RUNX2: variants seen among roughly 807,000 people sequenced by gnomAD.
RUNX2 encodes the protein runt-related transcription factor 2.
A neutral mutation model predicts 51.7 loss-of-function variants in RUNX2; 10 were observed. That is an observed-to-expected ratio of 0.19 (90% CI 0.12 to 0.33). The LOEUF (loss-of-function observed/expected upper bound fraction) is 0.33. Ranked by LOEUF, RUNX2 falls within the 10% of genes least tolerant of loss-of-function variation. RUNX2 has a pLI of 1.00. For synonymous variants in RUNX2, 276 were observed against 273.6 expected (o/e 1.01, Z -0.09); for missense variants, 562 against 691.3 (o/e 0.81, Z 2.10).
intron 7 of RUNX2, 22 bp from the exon 8 acceptor site, chr6:45,545,195 G>T: frequency 6.6e-7 from 1 of 1,523,388 alleles, no homozygotes; most frequent in Non-Finnish European, 8.9e-7. Flanking sequence ...GGAACTTAGA[G>T]CTCATCCCCC....
intron 7 of RUNX2, among the ~76,000 whole-genome samples, chr6:45,529,988 G>C (rs1801793959): frequency 6.6e-6 from 1 of 152,192 alleles, no homozygotes; most frequent in African/African-American, 2.4e-5. Context: ...AGGTGGGTTA[G>C]GAGATAGGTA....
At chr6:45,519,706 C>T (rs1486023255) in intron 7 of RUNX2, among the ~76,000 whole-genome samples, 1 of 150,920 alleles carries the variant, frequency 6.6e-6, no homozygotes, top group East Asian at 1.9e-4. Flanking sequence ...TAAGTTCCTC[C>T]ATGTCTTTTC....
At chr6:45,409,818 C>T (rs1269811640) in intron 2 of RUNX2, among the ~76,000 whole-genome samples, 1 of 152,118 alleles carries the variant, frequency 6.6e-6, no homozygotes, top group Non-Finnish European at 1.5e-5. Context: ...TGGCATTATG[C>T]TAAATGCTGA....
At chr6:45,477,785 C>T (rs1799997202) in intron 5 of RUNX2, among the ~76,000 whole-genome samples, 1 of 152,240 alleles carries the variant, frequency 6.6e-6, no homozygotes, top group Non-Finnish European at 1.5e-5. Context: ...CTATCTTCCC[C>T]TGTAAGTAAA....
chr6:45,467,588 A>G (rs1799670797), intron 5 of RUNX2, among the ~76,000 whole-genome samples: 1 of 151,968 alleles, frequency 6.6e-6, no homozygotes, highest in Non-Finnish European at 1.5e-5. Context: ...GGCCTGCTTT[A>G]TCTTTTAGAA....
chr6:45,438,143 T>A (rs1798742147), intron 5 of RUNX2, 92 bp downstream of exon 5: 1 of 837,594 alleles, frequency 1.2e-6, no homozygotes, highest in Admixed American at 1.8e-5. Flanking sequence ...CACTTTCATG[T>A]CCATAGTGTC....
chr6:45,473,501 G>C (rs189793715), intron 5 of RUNX2, among the ~76,000 whole-genome samples: 8 of 152,272 alleles, frequency 5.3e-5, no homozygotes, highest in African/African-American at 1.9e-4. Flanking sequence ...GTGGGGGAGC[G>C]GTGGCGGCGG....
intron 6 of RUNX2, among the ~76,000 whole-genome samples, chr6:45,508,220 CT>C (rs61501897): frequency 0.079 from 5,178 of 65,878 alleles, 37 homozygotes; most frequent in Middle Eastern, 0.16. Context: ...CTTATATTTC[CT>C]TTTTTTTTTT....
chr6:45,520,743 C>T (rs568134212), intron 7 of RUNX2, among the ~76,000 whole-genome samples: 1 of 151,850 alleles, frequency 6.6e-6, no homozygotes, highest in East Asian at 1.9e-4. Context: ...TTTTTTGAGA[C>T]AGAGTCTCAC....
chr6:45,543,191 C>T (rs1802285042), intron 7 of RUNX2, among the ~76,000 whole-genome samples: 3 of 152,246 alleles, frequency 2.0e-5, no homozygotes, highest in South Asian at 2.1e-4. Flanking sequence ...GGAAAATGCA[C>T]GATGATTATC....
intron 5 of RUNX2, among the ~76,000 whole-genome samples, chr6:45,439,177 G>A (rs115354589): frequency 6.6e-6 from 1 of 152,136 alleles, no homozygotes; most frequent in South Asian, 2.1e-4. Flanking sequence ...CTGCTTGCCT[G>A]AACTAGGGAG....
intron 2 of RUNX2, among the ~76,000 whole-genome samples, chr6:45,373,834 T>C (rs1796423754): frequency 6.6e-6 from 1 of 152,150 alleles, no homozygotes; most frequent in Non-Finnish European, 1.5e-5. Context: ...ATTACAGGTG[T>C]GAGCCACCAC....
At chr6:45,403,480 G>A (rs1337947437) in intron 2 of RUNX2, among the ~76,000 whole-genome samples, 3 of 152,084 alleles carry the variant, frequency 2.0e-5, no homozygotes, top group Non-Finnish European at 4.4e-5. Flanking sequence ...TGATCCGCCC[G>A]CCTCAGCATC....
intron 3 of RUNX2, among the ~76,000 whole-genome samples, chr6:45,427,947 G>A (rs1260028249): frequency 1.3e-5 from 2 of 152,092 alleles, no homozygotes; most frequent in East Asian, 1.9e-4. Flanking sequence ...GGTGAGGTGC[G>A]CTAAATAAAG....
intron 2 of RUNX2, among the ~76,000 whole-genome samples, chr6:45,386,602 G>T (rs1019506911): frequency 6.6e-6 from 1 of 152,168 alleles, no homozygotes; most frequent in Non-Finnish European, 1.5e-5. Flanking sequence ...TATGCAAAGT[G>T]CCTTGCACAT....
chr6:45,512,499 ACT>A lies in RUNX2; in HGVS notation c.1021+97_1021+98del, dbSNP rs535510140. The A allele has an allele frequency of 1.7e-3, 2,374 of 1,384,954 alleles. 2 individuals are homozygous for A. Among genetic ancestry groups the A allele is most frequent in the Non-Finnish European group, 2.1e-3 (2,117 of 986,434 alleles). 85.8% of individuals were successfully genotyped at this position (1,384,954 alleles called of 1,614,324 possible). A position where few individuals can be genotyped will look rare whatever the true frequency, so the allele number is the denominator to read the frequency against. ...GCCTGTCTCATCCATGCTCACAGTG[ACT>A]CTCTATTAGAGGCATGTGGGCAAGG... is the stretch of plus-strand genomic sequence containing the variant. On this transcript the variant is annotated intron_variant, in intron 7 of 8. Coordinates refer to ENST00000647337, the MANE Select transcript of RUNX2 (RefSeq NM_001024630.4).
chr6:45,430,420 C>A (rs2677101), intron 3 of RUNX2, among the ~76,000 whole-genome samples: 1 of 151,890 alleles, frequency 6.6e-6, no homozygotes. Context: ...AGGAATGGAA[C>A]TGAGAAACAG....
intron 2 of RUNX2, among the ~76,000 whole-genome samples, chr6:45,401,905 C>T (rs910197849): frequency 2.6e-5 from 4 of 152,224 alleles, no homozygotes; most frequent in African/African-American, 9.6e-5. Context: ...TCCTTGTCAA[C>T]CACTCAGTGG....
chr6:45,490,700 C>G (rs1800435884), intron 5 of RUNX2, among the ~76,000 whole-genome samples: 1 of 152,116 alleles, frequency 6.6e-6, no homozygotes, highest in Non-Finnish European at 1.5e-5. Context: ...TTTTCATAAA[C>G]CTTCTTCAAG....
Sources: gnomAD v4.1 joint callset for allele counts (sites outside exome capture counted in the v4.1 genomes callset) on GRCh38, gnomAD v4.1.1 for gene constraint, MANE v1.5 for transcripts, NCBI Gene and HGNC (gene_info 2026-07-23, HGNC 2026-07-21) for gene names.